The following ANK1 variants were observed in gnomAD, a reference collection of about 807,000 sequenced individuals.
The protein encoded by ANK1 is ankyrin-1.
A neutral mutation model predicts 210.4 loss-of-function variants in ANK1; 51 were observed. The observed-to-expected ratio is 0.24, with a 90% CI of 0.19 to 0.31. ANK1 has a LOEUF of 0.31. ANK1 is among the 10% of genes least tolerant of loss of function. ANK1 has a pLI of 1.00. For missense variants in ANK1, 2,051 were observed against 2,504.4 expected (o/e 0.82, Z 3.86); for synonymous variants, 967 against 1,025.9 (o/e 0.94, Z 1.10).
chr8:41,668,640 C>G (rs1811302898), intron 38 of ANK1, 76 bp from the exon 39 acceptor site: 5 of 1,435,496 alleles, frequency 3.5e-6, no homozygotes, highest in Non-Finnish European at 9.5e-7. Context: ...AGTCTCATTC[C>G]TTTTAGACAC....
At chr8:41,882,797 C>T (rs1377320309) in intron 1 of ANK1, among the ~76,000 whole-genome samples, 1 of 152,248 alleles carries the variant, frequency 6.6e-6, no homozygotes. Flanking sequence ...TTAGCCCCCT[C>T]TCCCTCTGGA....
intron 1 of ANK1, among the ~76,000 whole-genome samples, chr8:41,784,625 C>CT (rs539671888): frequency 3.4e-4 from 52 of 152,028 alleles, no homozygotes; most frequent in South Asian, 1.7e-3. Context: ...TCAGTTAAAG[C>CT]TTTTTTTTGC....
At chr8:41,758,860 G>A (rs1196470381) in intron 1 of ANK1, among the ~76,000 whole-genome samples, 1 of 152,066 alleles carries the variant, frequency 6.6e-6, no homozygotes, top group Non-Finnish European at 1.5e-5. Flanking sequence ...ACCAAGCGTG[G>A]GCTCTTTGGA....
intron 42 of ANK1, among the ~76,000 whole-genome samples, chr8:41,657,700 T>C (rs1361411797): frequency 6.6e-6 from 1 of 152,196 alleles, no homozygotes; most frequent in East Asian, 1.9e-4. Flanking sequence ...TCAGAGATCA[T>C]GCTGGCATGA....
At chr8:41,708,730 A>G in intron 17 of ANK1, 48 bp downstream of exon 17, 4 of 1,600,744 alleles carry the variant, frequency 2.5e-6, no homozygotes, top group Non-Finnish European at 3.4e-6. Context: ...AAGACACCAC[A>G]CGTTGTTATC....
At chr8:41,734,640 G>A (rs930734336) in intron 2 of ANK1, among the ~76,000 whole-genome samples, 3 of 151,728 alleles carry the variant, frequency 2.0e-5, no homozygotes, top group Non-Finnish European at 2.9e-5. Flanking sequence ...ACCTGTAGTC[G>A]CAGCGCTTTG....
chr8:41,695,959 A>G (rs1014104005), intron 26 of ANK1, among the ~76,000 whole-genome samples: 4 of 152,258 alleles, frequency 2.6e-5, no homozygotes, highest in Non-Finnish European at 5.9e-5. Context: ...AGGCCGTCTT[A>G]CTGGGAACTC....
At chr8:41,700,546 C>T in intron 22 of ANK1, 1 of 1,316,094 alleles carries the variant, frequency 7.6e-7, no homozygotes, top group East Asian at 2.3e-5. Context: ...GCACCAGAAG[C>T]TCTGCTTCTC....
intron 37 of ANK1, among the ~76,000 whole-genome samples, chr8:41,680,976 T>A (rs957800590): frequency 1.3e-5 from 2 of 152,130 alleles, no homozygotes; most frequent in Non-Finnish European, 2.9e-5. Context: ...TGGGGCTACA[T>A]GTTGGAGAAG....
Position 41,718,207 on chromosome 8 carries a change from G to T in ANK1, c.1108-3C>A, listed in dbSNP as rs1246932177. On this transcript the variant is annotated splice_region_variant and splice_polypyrimidine_tract_variant and intron_variant, in intron 10 of 42. Transcript: ENST00000289734. ...ATGTGTAAGGGGGTAAAGCCATTCT[G>T]CAGCCCACACAAAGGGAGACAGACA... The T allele has an allele frequency of 1.2e-6, 2 of 1,613,290 alleles. No individual in the cohort carries two copies. The highest frequency in any genetic ancestry group is 1.7e-6 in the Non-Finnish European group (2 of 1,179,634).
In ANK1 at chr8:41,655,058, T is replaced by G. The variant is rs1241048481; in HGVS notation, c.*732A>C. On this transcript the variant is annotated 3_prime_UTR_variant, in exon 43 of 43. Coordinates refer to ENST00000289734, the MANE Select transcript of ANK1 (RefSeq NM_000037.4). ...AGAGACAACATAAAAAATTCCAATT[T>G]ATCCACAGCAGAGTCTATACAGCTT... The G allele has an allele frequency of 9.7e-6, 1 of 103,430 alleles. No homozygotes were observed. 6.4% of individuals were successfully genotyped at this position (103,430 alleles called of 1,614,324 possible).
At chr8:41,798,270 C>G (rs1849201405), upstream of ANK1, among the ~76,000 whole-genome samples, 1 of 152,120 alleles carries the variant, frequency 6.6e-6, no homozygotes, top group Non-Finnish European at 1.5e-5. Flanking sequence ...CCTCTGTTCT[C>G]CGCGTGCTTT....
chr8:41,810,482 A>G (rs961337926), intron 1 of ANK1, among the ~76,000 whole-genome samples: 2 of 152,220 alleles, frequency 1.3e-5, no homozygotes, highest in Non-Finnish European at 2.9e-5. Context: ...TCCACGGTGA[A>G]GCCATCTGTG....
rs566843186 is a variant in ANK1, at chr8:41,724,797, G to A, written c.613-243C>T. Among the ~76,000 whole-genome samples, 10 of 152,294 alleles carry A rather than the reference G, an allele frequency of 6.6e-5. No homozygotes were observed. The East Asian group carries it at 7.7e-4, about 12-fold the overall frequency. On this transcript the variant is annotated intron_variant, in intron 6 of 42. Coordinates refer to ENST00000289734, the MANE Select transcript of ANK1 (RefSeq NM_000037.4). Reference sequence around the variant, plus strand: ...AACCTCAGACTCTGTGGGCCCGTTCGTCAGAGTGATCACCGACAAAGAGAT... The same window carrying A: ...AACCTCAGACTCTGTGGGCCCGTTCATCAGAGTGATCACCGACAAAGAGAT...
rs530756266 is a variant in ANK1, at chr8:41,661,221, T to TTA, written c.*36+207_*36+208dup. ...CCGTGCGGTCCCTGATAAGTGGATA[T>TTA]TATTAACTCTGTTTCCTTGATGAGG... On this transcript the variant is annotated intron_variant, in intron 42 of 42. Transcript: ENST00000289734. 35 of 708,072 alleles carry TTA rather than the reference T, an allele frequency of 4.9e-5. No individual in the cohort carries two copies. The South Asian group carries it at 5.7e-4, about 12-fold the overall frequency. 43.9% of individuals were successfully genotyped at this position (708,072 alleles called of 1,614,324 possible). A position where few individuals can be genotyped will look rare whatever the true frequency, so the allele number is the denominator to read the frequency against.
intron 1 of ANK1, among the ~76,000 whole-genome samples, chr8:41,824,109 G>A (rs574055437): frequency 6.6e-6 from 1 of 152,006 alleles, no homozygotes; most frequent in South Asian, 2.1e-4. Context: ...ACAGGTGCAC[G>A]CCACCATGCC....
At chr8:41,784,625 CT>C (rs539671888) in intron 1 of ANK1, among the ~76,000 whole-genome samples, 1 of 151,910 alleles carries the variant, frequency 6.6e-6, no homozygotes, top group African/African-American at 2.4e-5. Context: ...TCAGTTAAAG[CT>C]TTTTTTTGCC....
chr8:41,827,624 TCA>T (rs1340796559), intron 1 of ANK1, among the ~76,000 whole-genome samples: 1 of 152,098 alleles, frequency 6.6e-6, no homozygotes, highest in Non-Finnish European at 1.5e-5. Context: ...GGCTATTTCT[TCA>T]CACACATACA....
chr8:41,820,033 C>A (rs1349105493), intron 1 of ANK1, among the ~76,000 whole-genome samples: 1 of 152,192 alleles, frequency 6.6e-6, no homozygotes, highest in African/African-American at 2.4e-5. Context: ...ACAAAAGACA[C>A]AGGCAGGAAA....
Sources: gnomAD v4.1 joint callset for allele counts (sites outside exome capture counted in the v4.1 genomes callset) on GRCh38, gnomAD v4.1.1 for gene constraint, MANE v1.5 for transcripts, NCBI Gene and HGNC (gene_info 2026-07-23, HGNC 2026-07-21) for gene names.